TRPM7: variants seen among roughly 807,000 people sequenced by gnomAD.
TRPM7 encodes the protein LTRPC ion channel family member 7.
Under a neutral mutation model 229.7 loss-of-function variants are expected in TRPM7, and 134 were observed. That is an observed-to-expected ratio of 0.58 (90% CI 0.51 to 0.67). The LOEUF (loss-of-function observed/expected upper bound fraction) is 0.67. Among genes scored for constraint, TRPM7 ranks in the 30% least tolerant of loss-of-function variants. The probability of loss-of-function intolerance (pLI) is 0.00; values close to 1 mark genes in which losing one functional copy is unlikely to be tolerated. For synonymous variants in TRPM7, 699 were observed against 715.2 expected (o/e 0.98, Z 0.36); for missense variants, 1,901 against 2,210.0 (o/e 0.86, Z 2.80).
intron 26 of TRPM7, among the ~76,000 whole-genome samples, 157 bp downstream of exon 26, chr15:50,591,754 T>TC (rs1284743045): frequency 6.6e-6 from 1 of 152,154 alleles, no homozygotes; most frequent in Non-Finnish European, 1.5e-5. Context: ...CCACTCAGCC[T>TC]CCCAAAGTAC....
At chr15:50,674,581 A>G (rs2062054861) in intron 1 of TRPM7, among the ~76,000 whole-genome samples, 1 of 152,208 alleles carries the variant, frequency 6.6e-6, no homozygotes, top group East Asian at 1.9e-4. Flanking sequence ...GCATACCACC[A>G]TTATGGTATT....
chr15:50,678,333 T>C (rs2062147547), intron 1 of TRPM7, among the ~76,000 whole-genome samples: 1 of 150,438 alleles, frequency 6.6e-6, no homozygotes, highest in African/African-American at 2.4e-5. Context: ...TGGGTCAACA[T>C]GCCTGCCAAG....
At chr15:50,564,951 C>G (rs2053527235) in intron 38 of TRPM7, among the ~76,000 whole-genome samples, 1 of 151,732 alleles carries the variant, frequency 6.6e-6, no homozygotes, top group African/African-American at 2.4e-5. Context: ...AGCAAATCAT[C>G]TCAACTTTAA....
At chr15:50,670,840 A>C (rs561012039) in intron 1 of TRPM7, among the ~76,000 whole-genome samples, 1 of 151,852 alleles carries the variant, frequency 6.6e-6, no homozygotes, top group African/African-American at 2.4e-5. Flanking sequence ...GAAAATAATA[A>C]GAGGATACTA....
chr15:50,589,481 T>C (rs1478573329), intron 27 of TRPM7, 111 bp downstream of exon 27: 1 of 709,790 alleles, frequency 1.4e-6, no homozygotes, highest in East Asian at 2.8e-5. Flanking sequence ...ATGTTAATGA[T>C]ATCTGCTAAA....
chr15:50,575,988 A>C, intron 31 of TRPM7, 69 bp from the exon 32 acceptor site: 1 of 1,449,198 alleles, frequency 6.9e-7, no homozygotes, highest in Non-Finnish European at 9.5e-7. Context: ...TAACCCGGAT[A>C]ATCTCATAAA....
intron 2 of TRPM7, among the ~76,000 whole-genome samples, chr15:50,659,058 T>C (rs1001870423): frequency 6.6e-6 from 1 of 151,680 alleles, no homozygotes; most frequent in Admixed American, 6.6e-5. Flanking sequence ...ATTAGCCAGA[T>C]GTGGTGGCAC....
chr15:50,628,451 T>G (rs910706899), intron 10 of TRPM7, among the ~76,000 whole-genome samples: 3 of 152,016 alleles, frequency 2.0e-5, no homozygotes, highest in African/African-American at 7.3e-5. Flanking sequence ...AGACTACAGA[T>G]GAGCACCACC....
chr15:50,661,471 GTTT>G (rs2061722201), intron 2 of TRPM7, among the ~76,000 whole-genome samples: 1 of 152,090 alleles, frequency 6.6e-6, no homozygotes, highest in African/African-American at 2.4e-5. Context: ...TTTCTCAAAA[GTTT>G]TTTAAATGTA....
At chr15:50,684,094 C>T (rs945900173) in intron 1 of TRPM7, among the ~76,000 whole-genome samples, 1 of 151,622 alleles carries the variant, frequency 6.6e-6, no homozygotes, top group Non-Finnish European at 1.5e-5. Flanking sequence ...TCAAGTGATC[C>T]GGGATCAGCC....
At chr15:50,684,083 C>T (rs2062302679) in intron 1 of TRPM7, among the ~76,000 whole-genome samples, 2 of 151,850 alleles carry the variant, frequency 1.3e-5, no homozygotes, top group African/African-American at 2.4e-5. Context: ...AACTCCTGAC[C>T]TCAAGTGATC....
chr15:50,583,088 C>G lies in TRPM7; in HGVS notation c.4557+1G>C. On this transcript the variant is annotated splice_donor_variant, in intron 29 of 38. Transcript: ENST00000646667. LOFTEE classifies it high-confidence loss of function. ...TATCTGTTTAGTTGAAATCTACAAA[C>G]CGGTATTAAAGCTGCTTTGGAATCT... The G allele has an allele frequency of 6.3e-7, 1 of 1,591,792 alleles. No individual in the cohort carries two copies. The highest frequency in any genetic ancestry group is 8.5e-7 in the Non-Finnish European group (1 of 1,169,886).
Position 50,561,518 on chromosome 15 carries a change from T to A in TRPM7, c.*160A>T. 1 of 692,170 alleles carries A rather than the reference T, an allele frequency of 1.4e-6. No homozygotes were observed. Among genetic ancestry groups the A allele is most frequent in the South Asian group, 2.3e-5 (1 of 43,040 alleles). 42.9% of individuals were successfully genotyped at this position (692,170 alleles called of 1,614,324 possible). A position where few individuals can be genotyped will look rare whatever the true frequency, so the allele number is the denominator to read the frequency against. The stretch of plus-strand genomic sequence containing the variant: ...CTATAGGGACTTTCTGACTGATTAA[T>A]CAGGTCAAAAGAATATTGACCTTTT... On this transcript the variant is annotated 3_prime_UTR_variant, in exon 39 of 39. Transcript: ENST00000646667.
Position 50,605,062 on chromosome 15 carries a change from G to A in TRPM7, c.2792C>T (p.Ala931Val). The change falls in exon 21 of 39, where the codon GCC becomes GTC. Residue 931 changes from alanine to valine, a missense_variant. Coordinates refer to ENST00000646667, the MANE Select transcript of TRPM7 (RefSeq NM_017672.6). ...SDYFNISDTI[A>V]IISFFIGFGL... Reference sequence around the variant, plus strand: ...AAATCCAATGAAGAAAGAAATTATGGCAATTGTATCACTGATGTTGAAGTA... The same window carrying A: ...AAATCCAATGAAGAAAGAAATTATGACAATTGTATCACTGATGTTGAAGTA... 1 of 1,613,658 alleles carries A rather than the reference G, an allele frequency of 6.2e-7. No homozygotes were observed. The highest frequency in any genetic ancestry group is 8.5e-7 in the Non-Finnish European group (1 of 1,179,788).
chr15:50,562,357 T>A (rs1202279407), intron 38 of TRPM7, among the ~76,000 whole-genome samples: 1 of 152,152 alleles, frequency 6.6e-6, no homozygotes. Context: ...GAAACTCATG[T>A]AGGCGTGGGA....
chr15:50,568,097 G>A (rs1248748859), intron 38 of TRPM7, among the ~76,000 whole-genome samples: 3 of 95,240 alleles, frequency 3.1e-5, no homozygotes, highest in African/African-American at 1.2e-4. Context: ...AAAAAAAAGA[G>A]CGAGACTCTG....
At chr15:50,671,486 A>T (rs531794265) in intron 1 of TRPM7, among the ~76,000 whole-genome samples, 1 of 152,286 alleles carries the variant, frequency 6.6e-6, no homozygotes, top group South Asian at 2.1e-4. Context: ...CAGTGGTCCC[A>T]TAAGATTATA....
At chr15:50,563,214 G>A (rs1056418412) in intron 38 of TRPM7, among the ~76,000 whole-genome samples, 1 of 152,202 alleles carries the variant, frequency 6.6e-6, no homozygotes, top group East Asian at 1.9e-4. Flanking sequence ...TCCACACCAC[G>A]ACGGTAGAAC....
intron 5 of TRPM7, among the ~76,000 whole-genome samples, chr15:50,639,817 C>T (rs2061035666): frequency 1.3e-5 from 2 of 150,024 alleles, no homozygotes; most frequent in Admixed American, 1.3e-4. Flanking sequence ...TCTGGGATTA[C>T]AGTCATTACT....
Sources: gnomAD v4.1 joint callset for allele counts (sites outside exome capture counted in the v4.1 genomes callset) on GRCh38, gnomAD v4.1.1 for gene constraint, MANE v1.5 for transcripts, NCBI Gene and HGNC (gene_info 2026-07-23, HGNC 2026-07-21) for gene names.